Variants in FSTL5 observed in about 807,000 individuals in gnomAD.
The protein encoded by FSTL5 is follistatin-related protein 5.
A neutral mutation model predicts 89.1 loss-of-function variants in FSTL5; 62 were observed. The observed-to-expected ratio is 0.70, with a 90% CI of 0.57 to 0.86. FSTL5 has a LOEUF of 0.86. Among genes scored for constraint, FSTL5 ranks in the 40% least tolerant of loss-of-function variants. The pLI is 0.00. For synonymous variants in FSTL5, 383 were observed against 346.2 expected, an observed-to-expected ratio of 1.11 and a Z score of -1.18; for missense variants, 1,057 against 1,001.6, an observed-to-expected ratio of 1.06 and a Z score of -0.75.
rs17041735 is a variant in FSTL5 at position 161,893,757 on chromosome 4, T to G, written c.409+26647A>C. ...TGAGCATAGCACATTGCTGACTGAT[T>G]TGCAGTATCAGCAGTAATCCCTTAA... On this transcript the variant is annotated intron_variant, in intron 4 of 15. Coordinates refer to ENST00000306100, the MANE Select transcript of FSTL5 (RefSeq NM_020116.5). Among the ~76,000 whole-genome samples, 1,388 of 152,308 alleles carry G rather than the reference T, an allele frequency of 9.1e-3. 19 individuals are homozygous for G. Among genetic ancestry groups the G allele is most frequent in the African/African-American group, 0.031 (1,289 of 41,574 alleles).
intron 7 of FSTL5, among the ~76,000 whole-genome samples, chr4:161,630,882 A>C (rs369814738): frequency 9.2e-5 from 14 of 152,302 alleles, no homozygotes; most frequent in African/African-American, 3.1e-4. Context: ...GCTTTACATG[A>C]ACTTGTCATA....
chr4:161,587,507 G>C lies in FSTL5; in HGVS notation c.963C>G (p.Cys321Trp). 1 of 1,612,284 alleles carries C rather than the reference G, an allele frequency of 6.2e-7. No homozygotes were observed. Among genetic ancestry groups the C allele is most frequent in the Non-Finnish European group, 8.5e-7 (1 of 1,178,578 alleles). The change falls in exon 8 of 16, where the codon TGC becomes TGG. Residue 321 changes from cysteine to tryptophan, a missense_variant. This residue lies in a region of FSTL5 where 980 missense variants were observed against 903.2 expected (regional missense o/e 1.08). Transcript: ENST00000306100. ...VTTTHVGNYT[C>W]YADGYEQVYQ... ...AGACTTGTTCATAGCCATCTGCATA[G>C]CAGGTGTAATTGCCAACGTGAGTTG...
At chr4:161,828,222 A>ACCCTAAC (rs1349187890) in intron 4 of FSTL5, among the ~76,000 whole-genome samples, 3 of 152,066 alleles carry the variant, frequency 2.0e-5, no homozygotes, top group Non-Finnish European at 4.4e-5. Flanking sequence ...CATGATCTGG[A>ACCCTAAC]CCTTCAGGTT....
chr4:161,822,202 T>G (rs1010257202), intron 4 of FSTL5, among the ~76,000 whole-genome samples: 2 of 152,220 alleles, frequency 1.3e-5, no homozygotes, highest in African/African-American at 4.8e-5. Flanking sequence ...CATTTTTTCA[T>G]GTCACAGGAT....
chr4:161,495,751 A>C (rs1560923200), intron 12 of FSTL5, among the ~76,000 whole-genome samples: 1 of 151,762 alleles, frequency 6.6e-6, no homozygotes, highest in East Asian at 1.9e-4. Context: ...GTATACTACT[A>C]CTCTCTCTTA....
At chr4:161,880,595 T>C (rs1050590865) in intron 4 of FSTL5, among the ~76,000 whole-genome samples, 1 of 152,162 alleles carries the variant, frequency 6.6e-6, no homozygotes, top group African/African-American at 2.4e-5. Context: ...ACCATGTACA[T>C]GAATGTTTAT....
intron 3 of FSTL5, among the ~76,000 whole-genome samples, chr4:161,991,964 CAGA>C (rs961266176): frequency 2.0e-5 from 3 of 152,090 alleles, no homozygotes; most frequent in Non-Finnish European, 4.4e-5. Flanking sequence ...GACTTTCAGG[CAGA>C]AGGAGCCTCA....
chr4:161,674,856 G>A (rs1737247354), intron 6 of FSTL5, among the ~76,000 whole-genome samples: 1 of 152,148 alleles, frequency 6.6e-6, no homozygotes, highest in Admixed American at 6.6e-5. Flanking sequence ...TCTAAATTCT[G>A]TCTCCGAGAG....
At position 161,538,260 on chromosome 4, in the gene FSTL5, T is replaced by A; in HGVS notation, c.1218A>T (p.Glu406Asp). 6.2e-7 allele frequency: 1 copy of A among 1,614,084 alleles called. No individual in the cohort carries two copies. Among genetic ancestry groups the A allele is most frequent in the Non-Finnish European group, 8.5e-7 (1 of 1,179,952 alleles). The change falls in exon 10 of 16, where the codon GAA (glutamate) becomes GAT (aspartate). Residue 406 changes from glutamate (E) to aspartate (D), a missense_variant. Glu to Asp is a conservative substitution (Grantham distance 45, BLOSUM62 2). Transcript: ENST00000306100. ...SEVHISNVRY[E>D]DTGAYTCIAK... ...CGATACAAGTGTATGCTCCAGTATC[T>A]TCATAGCGCACATTGCTTATGTGAA...
chr4:161,804,569 CTATT>C (rs1191207707), intron 4 of FSTL5, among the ~76,000 whole-genome samples: 1 of 151,436 alleles, frequency 6.6e-6, no homozygotes, highest in Non-Finnish European at 1.5e-5. Context: ...CATACTTTCC[CTATT>C]TATTATATAA....
At position 161,510,387 on chromosome 4, in the gene FSTL5, C is replaced by A; in HGVS notation, c.1339+11G>T. 6.6e-7 allele frequency: 1 copy of A among 1,511,790 alleles called. No homozygotes were observed. Among genetic ancestry groups the A allele is most frequent in the Non-Finnish European group, 8.9e-7 (1 of 1,124,206 alleles). The allele number at this position is 1,511,790 out of a possible 1,614,324, so 93.6% of individuals were successfully genotyped here. A position where few individuals can be genotyped will look rare whatever the true frequency, so the allele number is the denominator to read the frequency against. ...AAATTGTCACAACATAAAAATAATT[C>A]AACTTAGTACCTTCTTCTCTCCATA... On this transcript the variant is annotated intron_variant, in intron 11 of 15. Transcript: ENST00000306100.
intron 3 of FSTL5, chr4:162,022,941 G>C (rs776287944): frequency 2.6e-5 from 4 of 152,166 alleles, no homozygotes; most frequent in Non-Finnish European, 4.4e-5. Context: ...TAGAAGATGG[G>C]AGGAGGAGGA....
chr4:161,449,932 A>G (rs1454175098), intron 15 of FSTL5, among the ~76,000 whole-genome samples: 3 of 152,158 alleles, frequency 2.0e-5, no homozygotes, highest in East Asian at 1.9e-4. Context: ...AGCTCTAGGA[A>G]AGACTTCTGC....
intron 6 of FSTL5, among the ~76,000 whole-genome samples, chr4:161,702,968 A>C (rs1319094871): frequency 1.3e-5 from 2 of 152,028 alleles, no homozygotes. Flanking sequence ...TTGAAATGAG[A>C]CATTGGGGTG....
intron 4 of FSTL5, among the ~76,000 whole-genome samples, chr4:161,874,417 T>A (rs1459946035): frequency 6.6e-6 from 1 of 152,044 alleles, no homozygotes; most frequent in Non-Finnish European, 1.5e-5. Flanking sequence ...TTGGGGTGGA[T>A]CTCATTTATT....
intron 6 of FSTL5, among the ~76,000 whole-genome samples, chr4:161,757,374 A>T (rs1022443326): frequency 3.9e-5 from 6 of 152,066 alleles, no homozygotes; most frequent in African/African-American, 1.4e-4. Context: ...ATGCACACAC[A>T]CACACACACA....
At chr4:161,857,009 G>A (rs145966594) in intron 4 of FSTL5, among the ~76,000 whole-genome samples, 67 of 152,310 alleles carry the variant, frequency 4.4e-4, no homozygotes, top group African/African-American at 1.5e-3. Context: ...ACAGAAGCCA[G>A]ATGTATAGTC....
chr4:161,780,036 G>A (rs1320637450), intron 4 of FSTL5, among the ~76,000 whole-genome samples: 1 of 148,090 alleles, frequency 6.8e-6, no homozygotes, highest in Non-Finnish European at 1.5e-5. Flanking sequence ...GTAAAATTAA[G>A]GTAAACAAAA....
intron 7 of FSTL5, among the ~76,000 whole-genome samples, chr4:161,591,806 T>C (rs35290356): frequency 9.9e-4 from 150 of 152,282 alleles, no homozygotes; most frequent in Middle Eastern, 3.4e-3. Flanking sequence ...TTCATCTATA[T>C]ACTAAACCTA....
Sources: gnomAD v4.1 joint callset for allele counts (sites outside exome capture counted in the v4.1 genomes callset) on GRCh38, gnomAD v4.1.1 for gene constraint, gnomAD v4.1.1 regional missense constraint, MANE v1.5 for transcripts, NCBI Gene and HGNC (gene_info 2026-07-23, HGNC 2026-07-21) for gene names.